CLASP2: variants seen among roughly 807,000 people sequenced by gnomAD.
CLASP2 encodes the protein cytoplasmic linker associated protein 2.
In CLASP2, 47 loss-of-function variants were observed where a neutral mutation model predicts 194.4. That is an observed-to-expected ratio of 0.24 (90% CI 0.19 to 0.31). The LOEUF (loss-of-function observed/expected upper bound fraction) is 0.31, where lower values mean the gene tolerates loss of function less well. Ranked by LOEUF, CLASP2 falls within the 10% of genes least tolerant of loss-of-function variation. CLASP2 has a pLI of 1.00. For missense variants in CLASP2, 1,445 were observed against 1,823.6 expected (o/e 0.79, Z 3.78); for synonymous variants, 619 against 633.5 (o/e 0.98, Z 0.34).
rs138741684 is a variant in CLASP2 at position 33,529,710 on chromosome 3, G to A, written c.3787+5523C>T. ...CACTAAAAGATCTTCGGCCGGGCGC[G>A]GTGGCTCACGCCTGTAATCCCAGCA... On this transcript the variant is annotated intron_variant, in intron 34 of 38. Coordinates refer to ENST00000682230, the MANE Select transcript of CLASP2 (RefSeq NM_001365631.1). Among the ~76,000 whole-genome samples, 1,064 of 152,002 alleles carry A rather than the reference G, an allele frequency of 7.0e-3. 14 individuals carry two copies. The highest frequency in any genetic ancestry group is 0.023 in the African/African-American group (968 of 41,468).
At chr3:33,645,372 C>G in intron 7 of CLASP2, 1 of 762,204 alleles carries the variant, frequency 1.3e-6, no homozygotes, top group Non-Finnish European at 2.4e-6. Flanking sequence ...GTTCACATGG[C>G]CAAATACAGT....
At chr3:33,673,539 G>A (rs879795259) in intron 6 of CLASP2, among the ~76,000 whole-genome samples, 54 of 152,030 alleles carry the variant, frequency 3.6e-4, no homozygotes, top group African/African-American at 1.1e-3. Context: ...ATCAACTAAC[G>A]AGCAAAATAA....
At chr3:33,640,739 T>TA (rs1256507349) in intron 8 of CLASP2, among the ~76,000 whole-genome samples, 1 of 152,022 alleles carries the variant, frequency 6.6e-6, no homozygotes, top group Non-Finnish European at 1.5e-5. Flanking sequence ...AAATGATTGA[T>TA]ACAGGAATAG....
chr3:33,501,587 C>T (rs1453603477), intron 38 of CLASP2, 65 bp downstream of exon 38: 3 of 967,038 alleles, frequency 3.1e-6, no homozygotes, highest in Non-Finnish European at 1.7e-6. Flanking sequence ...CTGTTACAGA[C>T]ATGTAACTAA....
intron 10 of CLASP2, among the ~76,000 whole-genome samples, 185 bp from the exon 11 acceptor site, chr3:33,622,465 A>G (rs2077266234): frequency 6.6e-6 from 1 of 152,240 alleles, no homozygotes. Context: ...TGCCAACAAA[A>G]AGCTGTCTGA....
chr3:33,497,052 T>C lies in CLASP2; in HGVS notation c.*1579A>G, dbSNP rs1009904947. On this transcript the variant is annotated 3_prime_UTR_variant, in exon 39 of 39. Coordinates refer to ENST00000682230, the MANE Select transcript of CLASP2 (RefSeq NM_001365631.1). Reference sequence around the variant, plus strand: ...GCCAGTATATGCACAACAGTAAGCATAGAACTATAAATACACAATGTAATT... The same window carrying C: ...GCCAGTATATGCACAACAGTAAGCACAGAACTATAAATACACAATGTAATT... 4.6e-5 allele frequency: 7 copies of C among 152,554 alleles called. No homozygotes were observed. Among genetic ancestry groups the C allele is most frequent in the Admixed American group, 2.0e-4 (3 of 15,272 alleles). The allele number at this position is 152,554 out of a possible 1,614,324, so 9.5% of individuals were successfully genotyped here.
intron 6 of CLASP2, among the ~76,000 whole-genome samples, chr3:33,671,342 T>C (rs567276943): frequency 6.6e-6 from 1 of 152,074 alleles, no homozygotes; most frequent in South Asian, 2.1e-4. Context: ...AAAAAAAAAT[T>C]ACATGGCATT....
At position 33,573,107 on chromosome 3, in the gene CLASP2, C is replaced by T. The variant is rs774163384; in HGVS notation, c.2699+3G>A. ...AAAATCATTTTAAGACAACGCATCT[C>T]ACCTTAGTGTTCTCTGATTTTTTAA... On this transcript the variant is annotated splice_donor_region_variant and intron_variant, in intron 25 of 38. Coordinates refer to ENST00000682230, the MANE Select transcript of CLASP2 (RefSeq NM_001365631.1). The T allele has an allele frequency of 4.3e-6, 7 of 1,613,390 alleles. No individual in the cohort carries two copies. Among genetic ancestry groups the T allele is most frequent in the Non-Finnish European group, 5.9e-6 (7 of 1,179,602 alleles).
intron 37 of CLASP2, 73 bp downstream of exon 37, chr3:33,510,485 G>A (rs2049427736): frequency 7.3e-7 from 1 of 1,367,232 alleles, no homozygotes; most frequent in Admixed American, 1.8e-5. Context: ...CAGTAATGAT[G>A]CCTGGAAAGT....
intron 1 of CLASP2, among the ~76,000 whole-genome samples, chr3:33,704,331 C>T (rs750088864): frequency 2.6e-5 from 4 of 151,934 alleles, no homozygotes; most frequent in African/African-American, 4.8e-5. Flanking sequence ...CAGAAGCAGG[C>T]GGACATATGA....
intron 24 of CLASP2, among the ~76,000 whole-genome samples, 187 bp downstream of exon 24, chr3:33,575,982 G>A (rs905696234): frequency 1.3e-5 from 2 of 152,070 alleles, no homozygotes; most frequent in African/African-American, 4.8e-5. Context: ...ACTGGCCCTG[G>A]TATAAAATTC....
chr3:33,654,473 G>A (rs961373633), intron 7 of CLASP2, among the ~76,000 whole-genome samples: 5 of 151,892 alleles, frequency 3.3e-5, no homozygotes, highest in Non-Finnish European at 5.9e-5. Context: ...TGAAAGCGAA[G>A]ACAAAACATA....
At chr3:33,591,836 A>G (rs2068868087) in intron 21 of CLASP2, among the ~76,000 whole-genome samples, 1 of 152,202 alleles carries the variant, frequency 6.6e-6, no homozygotes, top group Non-Finnish European at 1.5e-5. Context: ...ATTAGTATAT[A>G]CCTGCCAAAA....
Position 33,644,747 on chromosome 3 carries a change from T to C in CLASP2, c.862+10A>G. The stretch of plus-strand genomic sequence containing the variant: ...GCATGCATAACAGATTTGAAATGGA[T>C]TTACATTACCTCCAACCTTAGGGCC... On this transcript the variant is annotated intron_variant, in intron 8 of 38. Coordinates refer to ENST00000682230, the MANE Select transcript of CLASP2 (RefSeq NM_001365631.1). 1 of 1,612,700 alleles carries C rather than the reference T, an allele frequency of 6.2e-7. No individual in the cohort carries two copies. The highest frequency in any genetic ancestry group is 8.5e-7 in the Non-Finnish European group (1 of 1,179,402).
intron 22 of CLASP2, among the ~76,000 whole-genome samples, chr3:33,583,010 C>T (rs988574090): frequency 2.0e-5 from 3 of 152,178 alleles, no homozygotes; most frequent in Non-Finnish European, 4.4e-5. Flanking sequence ...GACTCCTACA[C>T]ACTATTTCTA....
At chr3:33,610,797 C>A (rs138195184) in intron 13 of CLASP2, among the ~76,000 whole-genome samples, 1 of 152,242 alleles carries the variant, frequency 6.6e-6, no homozygotes, top group East Asian at 1.9e-4. Context: ...TTTGCTGACC[C>A]CTGACATAAG....
Position 33,573,298 on chromosome 3 carries a change from G to A in CLASP2, c.2511C>T (p.Ala837=). The A allele has an allele frequency of 6.2e-7, 1 of 1,613,766 alleles. No homozygotes were observed. The highest frequency in any genetic ancestry group is 8.5e-7 in the Non-Finnish European group (1 of 1,179,762). The change falls in exon 25 of 39, where the codon GCC becomes GCT. Residue 837 remains alanine (A), a synonymous_variant. Transcript: ENST00000682230. Reference sequence around the variant, plus strand: ...AACAAGCACTAGATGCATCGCTGTTGGCGTCATCATCTGAATGCATTCCAT... The same window carrying A: ...AACAAGCACTAGATGCATCGCTGTTAGCGTCATCATCTGAATGCATTCCAT... ...ESYGMHSDDD[A]NSDASSACSE... is the part of the protein sequence containing the mutation.
At chr3:33,628,392 T>TCC (rs959826056) in intron 9 of CLASP2, among the ~76,000 whole-genome samples, 16 of 151,964 alleles carry the variant, frequency 1.1e-4, no homozygotes, top group African/African-American at 3.9e-4. Context: ...AGGTTCCCCT[T>TCC]CCCCCAATAA....
At chr3:33,562,847 T>C (rs1410126494) in intron 27 of CLASP2, among the ~76,000 whole-genome samples, 2 of 152,198 alleles carry the variant, frequency 1.3e-5, no homozygotes, top group Admixed American at 6.5e-5. Context: ...CACAGATGGT[T>C]AATAGCTAGG....
Sources: allele counts gnomAD v4.1 joint callset (sites outside exome capture counted in the v4.1 genomes callset), GRCh38; gene constraint gnomAD v4.1.1; transcripts MANE v1.5; gene names NCBI Gene and HGNC (gene_info 2026-07-23, HGNC 2026-07-21).